The following GALNTL6 variants were observed in gnomAD, a reference collection of about 807,000 sequenced individuals.
GALNTL6 encodes the protein polypeptide N-acetylgalactosaminyltransferase like 6, also known as polypeptide N-acetylgalactosaminyltransferase-like 6.
GALNTL6 carries 46 observed loss-of-function variants against 73.7 expected under a neutral mutation model. The observed-to-expected ratio is 0.62, with a 90% CI of 0.49 to 0.80. The LOEUF (loss-of-function observed/expected upper bound fraction) is 0.80. Ranked by LOEUF, GALNTL6 falls within the 30% of genes least tolerant of loss-of-function variation. The pLI is 0.00. For synonymous variants in GALNTL6, 259 were observed against 263.7 expected, an observed-to-expected ratio of 0.98 and a Z score of 0.17; for missense variants, 604 against 755.0, an observed-to-expected ratio of 0.80 and a Z score of 2.34.
intron 10 of GALNTL6, among the ~76,000 whole-genome samples, chr4:173,008,410 C>A (rs1752390529): frequency 6.6e-6 from 1 of 152,234 alleles, no homozygotes; most frequent in Admixed American, 6.5e-5. Flanking sequence ...TTTGCCCCAA[C>A]CAGCTGCAGT....
intron 8 of GALNTL6, among the ~76,000 whole-genome samples, chr4:172,927,955 G>T (rs1748143685): frequency 6.6e-6 from 1 of 152,182 alleles, no homozygotes; most frequent in Non-Finnish European, 1.5e-5. Flanking sequence ...TTGCAGAGGG[G>T]TATGTGCAAT....
rs180921916 is a variant in GALNTL6 at position 171,878,057 on chromosome 4, T to A, written c.138+63339T>A. On this transcript the variant is annotated intron_variant, in intron 2 of 12. Transcript: ENST00000506823. ...GTGAAACAATGAGATACAGTGGAAC[T>A]GTTTATAATTCTAGACTTCTGTTCA... Among the ~76,000 whole-genome samples the A allele has an allele frequency of 6.8e-3, 1,043 of 152,344 alleles. 8 individuals are homozygous for A. The highest frequency in any genetic ancestry group is 0.022 in the African/African-American group (905 of 41,592).
chr4:171,908,076 T>C (rs1243022401), intron 2 of GALNTL6, among the ~76,000 whole-genome samples: 3 of 152,108 alleles, frequency 2.0e-5, no homozygotes, highest in Non-Finnish European at 2.9e-5. Context: ...ATTCAGGACA[T>C]AGGCATGGGC....
At chr4:172,174,372 T>A (rs1227517672) in intron 2 of GALNTL6, among the ~76,000 whole-genome samples, 1 of 152,200 alleles carries the variant, frequency 6.6e-6, no homozygotes, top group Non-Finnish European at 1.5e-5. Context: ...TAGATCTTTT[T>A]CTTTTCATTT....
At chr4:172,492,348 A>C (rs1476323311) in intron 5 of GALNTL6, among the ~76,000 whole-genome samples, 1 of 152,202 alleles carries the variant, frequency 6.6e-6, no homozygotes, top group Non-Finnish European at 1.5e-5. Flanking sequence ...ATGATAACTC[A>C]GAAACTCACA....
intron 12 of GALNTL6, among the ~76,000 whole-genome samples, chr4:173,023,568 A>T (rs1459698668): frequency 6.6e-6 from 1 of 152,102 alleles, no homozygotes; most frequent in Non-Finnish European, 1.5e-5. Context: ...GAGGCAGGAG[A>T]ATTGCCTGAT....
At chr4:172,076,080 C>T (rs1731694827) in intron 2 of GALNTL6, among the ~76,000 whole-genome samples, 1 of 152,156 alleles carries the variant, frequency 6.6e-6, no homozygotes, top group Non-Finnish European at 1.5e-5. Flanking sequence ...TTGTAAATGA[C>T]ATGCACCAGG....
chr4:171,908,845 G>C (rs1268086601), intron 2 of GALNTL6, among the ~76,000 whole-genome samples: 2 of 151,076 alleles, frequency 1.3e-5, no homozygotes, highest in Non-Finnish European at 2.9e-5. Flanking sequence ...TCCTTTGTAG[G>C]GACATGGATG....
rs566543583 is a variant in GALNTL6, at chr4:172,482,275, A to C, written c.553+133586A>C. On this transcript the variant is annotated intron_variant, in intron 5 of 12. Coordinates refer to ENST00000506823, the MANE Select transcript of GALNTL6 (RefSeq NM_001034845.3). ...TCTCCCTCCACACCTCCCCGCAAGC[A>C]GAGGGAGCTGGCTCCAGCCTCCGAC... 8.7e-3 allele frequency among the ~76,000 whole-genome samples: 1,324 copies of C among 152,320 alleles called. 12 individuals are homozygous for C. Among genetic ancestry groups the C allele is most frequent in the South Asian group, 0.025 (123 of 4,826 alleles).
chr4:173,022,875 C>CTT (rs1753073447), intron 12 of GALNTL6, among the ~76,000 whole-genome samples: 1 of 152,150 alleles, frequency 6.6e-6, no homozygotes, highest in Non-Finnish European at 1.5e-5. Flanking sequence ...TTTTAGAATA[C>CTT]TTTACAAAAT....
At chr4:171,926,214 C>A (rs972770364) in intron 2 of GALNTL6, among the ~76,000 whole-genome samples, 1 of 152,006 alleles carries the variant, frequency 6.6e-6, no homozygotes, top group African/African-American at 2.4e-5. Context: ...ATCAAACATA[C>A]TTATTTCATC....
At chr4:172,658,786 C>G in intron 5 of GALNTL6, among the ~76,000 whole-genome samples, 1 of 152,158 alleles carries the variant, frequency 6.6e-6, no homozygotes, top group East Asian at 1.9e-4. Flanking sequence ...GACAGACACA[C>G]TGATGGTGAC....
In GALNTL6 at chr4:171,932,240, G is replaced by T. The variant is rs77253367; in HGVS notation, c.138+117522G>T. 2.7e-4 allele frequency among the ~76,000 whole-genome samples: 41 copies of T among 152,264 alleles called. No homozygotes were observed. In the East Asian group the frequency reaches 6.4e-3, roughly 24 times the overall value. ...ATAGAGTACCTTTGATGGCATATATGTCCTAGTCTTTCAAGTCACTACTGT... is the reference window on the plus strand; with the variant it reads ...ATAGAGTACCTTTGATGGCATATATTTCCTAGTCTTTCAAGTCACTACTGT... On this transcript the variant is annotated intron_variant, in intron 2 of 12. Coordinates refer to ENST00000506823, the MANE Select transcript of GALNTL6 (RefSeq NM_001034845.3).
At chr4:171,904,163 A>G (rs1026756817) in intron 2 of GALNTL6, among the ~76,000 whole-genome samples, 4 of 152,230 alleles carry the variant, frequency 2.6e-5, no homozygotes, top group African/African-American at 9.6e-5. Flanking sequence ...TGACGAGCTG[A>G]GAGAAGAAGG....
chr4:172,790,896 CAA>C (rs770813700), intron 5 of GALNTL6, among the ~76,000 whole-genome samples: 1,401 of 71,316 alleles, frequency 0.02, 19 homozygotes, highest in African/African-American at 0.066. Flanking sequence ...GAGACTCCAT[CAA>C]AAAAAAAAAA....
intron 5 of GALNTL6, among the ~76,000 whole-genome samples, chr4:172,725,053 C>T (rs561647327): frequency 6.6e-6 from 1 of 152,196 alleles, no homozygotes; most frequent in African/African-American, 2.4e-5. Flanking sequence ...GTATTTTTCC[C>T]CTGTCTCCGT....
intron 2 of GALNTL6, among the ~76,000 whole-genome samples, chr4:172,010,323 C>A (rs1388801719): frequency 8.3e-5 from 1 of 12,020 alleles, no homozygotes; most frequent in Non-Finnish European, 1.6e-4. Context: ...TTTTCCCTAA[C>A]CCCAAACACT....
chr4:172,681,612 A>G (rs1223540236), intron 5 of GALNTL6, among the ~76,000 whole-genome samples: 2 of 152,196 alleles, frequency 1.3e-5, no homozygotes, highest in African/African-American at 4.8e-5. Context: ...ATTGTAACTT[A>G]ATATGATTCC....
chr4:171,944,881 T>A (rs1458358600), intron 2 of GALNTL6, among the ~76,000 whole-genome samples: 1 of 152,066 alleles, frequency 6.6e-6, no homozygotes, highest in Non-Finnish European at 1.5e-5. Context: ...TGATATCAGT[T>A]AAGTCCTTAG....
Sources: gnomAD v4.1 joint callset for allele counts (sites outside exome capture counted in the v4.1 genomes callset) on GRCh38, gnomAD v4.1.1 for gene constraint, MANE v1.5 for transcripts, NCBI Gene and HGNC (gene_info 2026-07-23, HGNC 2026-07-21) for gene names.